The following FGF14 variants were observed in gnomAD, a reference collection of about 807,000 sequenced individuals.
FGF14 encodes the protein fibroblast growth factor 14.
A neutral mutation model predicts 25.5 loss-of-function variants in FGF14; 5 were observed. The observed-to-expected ratio is 0.20, with a 90% CI of 0.10 to 0.41. FGF14 has a LOEUF of 0.41. Among genes scored for constraint, FGF14 ranks in the 10% least tolerant of loss-of-function variants. The pLI, the probability that FGF14 is intolerant of heterozygous loss-of-function variation, is 1.00. For synonymous variants in FGF14, 138 were observed against 118.3 expected (o/e 1.17, Z -1.08); for missense variants, 222 against 320.1 (o/e 0.69, Z 2.34).
intron 1 of FGF14, among the ~76,000 whole-genome samples, chr13:101,928,271 T>G (rs1013693043): frequency 2.6e-5 from 4 of 152,226 alleles, no homozygotes; most frequent in Admixed American, 1.3e-4. Context: ...ATAATGAGTC[T>G]GAAAATAAAG....
intron 1 of FGF14, among the ~76,000 whole-genome samples, chr13:101,989,465 T>C (rs1019556659): frequency 6.6e-5 from 10 of 152,224 alleles, no homozygotes; most frequent in African/African-American, 2.4e-4. Context: ...TTTCTATACC[T>C]CATAAATACT....
intron 3 of FGF14, among the ~76,000 whole-genome samples, chr13:101,766,758 T>C (rs568173110): frequency 4.5e-4 from 69 of 152,142 alleles, no homozygotes; most frequent in African/African-American, 1.5e-3. Flanking sequence ...CTGGCATCCA[T>C]ATAAAAAGAG....
At chr13:101,781,951 A>G (rs899895189) in intron 3 of FGF14, among the ~76,000 whole-genome samples, 1 of 152,186 alleles carries the variant, frequency 6.6e-6, no homozygotes, top group Non-Finnish European at 1.5e-5. Flanking sequence ...CTCCTTTCCA[A>G]CTTCCCTTGA....
chr13:101,856,083 T>C (rs990291340), intron 3 of FGF14, among the ~76,000 whole-genome samples: 1 of 151,824 alleles, frequency 6.6e-6, no homozygotes, highest in Non-Finnish European at 1.5e-5. Flanking sequence ...TGACTCAAAC[T>C]ACATTAGGAA....
At chr13:102,012,522 G>A (rs1008069204) in intron 1 of FGF14, among the ~76,000 whole-genome samples, 1 of 152,128 alleles carries the variant, frequency 6.6e-6, no homozygotes, top group African/African-American at 2.4e-5. Flanking sequence ...GTCACTGGCA[G>A]GATATAGCTA....
intron 1 of FGF14, among the ~76,000 whole-genome samples, chr13:102,337,310 A>G (rs887218525): frequency 2.0e-5 from 3 of 152,214 alleles, no homozygotes; most frequent in African/African-American, 7.2e-5. Context: ...GGGGTTCAGA[A>G]CTTCAGTGAA....
intron 1 of FGF14, among the ~76,000 whole-genome samples, chr13:101,876,620 G>T (rs560891919): frequency 6.6e-6 from 1 of 152,212 alleles, no homozygotes; most frequent in East Asian, 1.9e-4. Flanking sequence ...GGAAAATAAT[G>T]CACGAACAGC....
At chr13:101,848,312 GA>G (rs2043571733) in intron 3 of FGF14, among the ~76,000 whole-genome samples, 1 of 151,854 alleles carries the variant, frequency 6.6e-6, no homozygotes, top group Non-Finnish European at 1.5e-5. Flanking sequence ...AAAAAAATTA[GA>G]ACATAAGAGT....
In FGF14 at chr13:101,835,240, A is replaced by T. The variant is rs181072953; in HGVS notation, c.408+33485T>A. ...GGTTGTGTATGTGGGTGTGTGTGTGAGAGAGAGACTGAAATAGAGAGAGAG... is the reference window on the plus strand; with the variant it reads ...GGTTGTGTATGTGGGTGTGTGTGTGTGAGAGAGACTGAAATAGAGAGAGAG... On this transcript the variant is annotated intron_variant, in intron 3 of 4. Coordinates refer to ENST00000376143, the MANE Select transcript of FGF14 (RefSeq NM_004115.4). 3.3e-5 allele frequency among the ~76,000 whole-genome samples: 5 copies of T among 152,028 alleles called. 1 individual carries two copies. The highest frequency in any genetic ancestry group is 1.9e-4 in the East Asian group (1 of 5,142).
intron 1 of FGF14, among the ~76,000 whole-genome samples, chr13:102,093,711 C>T (rs1191174838): frequency 1.3e-5 from 2 of 151,078 alleles, no homozygotes; most frequent in Non-Finnish European, 2.9e-5. Context: ...AAAGTCATGA[C>T]ATTACAAGAA....
chr13:101,846,473 A>T (rs1341168779), intron 3 of FGF14, among the ~76,000 whole-genome samples: 1 of 151,940 alleles, frequency 6.6e-6, no homozygotes. Flanking sequence ...TATTGACTAC[A>T]CCCTCATTTC....
At chr13:101,882,154 C>A (rs1159329468) in intron 1 of FGF14, among the ~76,000 whole-genome samples, 1 of 152,080 alleles carries the variant, frequency 6.6e-6, no homozygotes, top group South Asian at 2.1e-4. Flanking sequence ...CAGAATGATT[C>A]ACTTCTCCTT....
chr13:101,714,790 C>T lies in FGF14; in HGVS notation c.*8041G>A. The T allele has an allele frequency of 2.0e-6, 1 of 510,552 alleles. No individual in the cohort carries two copies. The highest frequency in any genetic ancestry group is 3.2e-5 in the East Asian group (1 of 31,136). 31.6% of individuals were successfully genotyped at this position (510,552 alleles called of 1,614,324 possible). ...TTTGTGATTATTTGGGATCCTTCCACAAAGTAACCTCCCCACCCTCAAACT... is the reference window on the plus strand; with the variant it reads ...TTTGTGATTATTTGGGATCCTTCCATAAAGTAACCTCCCCACCCTCAAACT... On this transcript the variant is annotated 3_prime_UTR_variant, in exon 5 of 5. Coordinates refer to ENST00000376143, the MANE Select transcript of FGF14 (RefSeq NM_004115.4).
chr13:102,320,392 C>T (rs1351549046), intron 1 of FGF14, among the ~76,000 whole-genome samples: 2 of 152,156 alleles, frequency 1.3e-5, no homozygotes, highest in Non-Finnish European at 1.5e-5. Flanking sequence ...ACCCTGCAAA[C>T]ACTTCTGGGC....
intron 1 of FGF14, among the ~76,000 whole-genome samples, chr13:102,315,102 T>C (rs1274950052): frequency 6.6e-6 from 1 of 151,936 alleles, no homozygotes; most frequent in African/African-American, 2.4e-5. Context: ...GTATATATGT[T>C]TGTGGTAATG....
At chr13:102,127,360 T>C (rs138324490) in intron 1 of FGF14, among the ~76,000 whole-genome samples, 74 of 152,296 alleles carry the variant, frequency 4.9e-4, no homozygotes, top group African/African-American at 1.4e-3. Flanking sequence ...TATCACTTCC[T>C]CTTTCTGTAT....
chr13:102,156,049 G>C lies in FGF14; in HGVS notation c.208+245422C>G, dbSNP rs565720765. The stretch of plus-strand genomic sequence containing the variant: ...ACCAATCAAAAAGAGTCCAGGACCA[G>C]ATGGATTCACAGCTGAATTCTACCA... On this transcript the variant is annotated intron_variant, in intron 1 of 4. Coordinates refer to the FGF14 transcript ENST00000376131. 6.6e-5 allele frequency among the ~76,000 whole-genome samples: 10 copies of C among 152,280 alleles called. No homozygotes were observed. In the South Asian group the frequency reaches 1.9e-3, roughly 28 times the overall value.
intron 1 of FGF14, among the ~76,000 whole-genome samples, chr13:102,338,429 C>G (rs2056850816): frequency 6.6e-6 from 1 of 152,164 alleles, no homozygotes; most frequent in Non-Finnish European, 1.5e-5. Context: ...GACATACTGA[C>G]TGACATTTGG....
Position 102,400,680 on chromosome 13 carries a change from T to C in FGF14, c.208+791A>G, listed in dbSNP as rs567384187. 1.3e-5 allele frequency among the ~76,000 whole-genome samples: 2 copies of C among 152,336 alleles called. No individual in the cohort carries two copies. The highest frequency in any genetic ancestry group is 3.9e-4 in the East Asian group (2 of 5,180). ...AGCCCTTTGGAATCGGGGCGCATGA[T>C]CACCAGTAGGCTTAAAAGCAGGAAC... On this transcript the variant is annotated intron_variant, in intron 1 of 4. Coordinates refer to the FGF14 transcript ENST00000376131. This position sits in a 1 kb window ranked among gnomAD's most constrained non-coding sequence, Gnocchi z 4.3.
Sources: gnomAD v4.1 joint callset for allele counts (sites outside exome capture counted in the v4.1 genomes callset) on GRCh38, gnomAD v4.1.1 for gene constraint, Gnocchi (gnomAD v3.1) non-coding constraint, MANE v1.5 for transcripts, NCBI Gene and HGNC (gene_info 2026-07-23, HGNC 2026-07-21) for gene names.